C12orf42: variants seen among roughly 807,000 people sequenced by gnomAD.
C12orf42 encodes uncharacterized protein C12orf42.
C12orf42 carries 25 observed loss-of-function variants against 21.6 expected under a neutral mutation model. The ratio of observed to expected loss-of-function variants is 1.16; its 90% CI spans 0.84 to 1.62. The LOEUF is 1.62. C12orf42 is among the 40% of genes most tolerant of loss of function. The pLI, the probability that C12orf42 is intolerant of heterozygous loss-of-function variation, is 0.00. For synonymous variants in C12orf42, 174 were observed against 175.0 expected, an observed-to-expected ratio of 0.99 and a Z score of 0.05; for missense variants, 483 against 459.3, an observed-to-expected ratio of 1.05 and a Z score of -0.47.
chr12:103,270,550 CA>C (rs1332448415), intron 5 of C12orf42, among the ~76,000 whole-genome samples: 3 of 144,208 alleles, frequency 2.1e-5, no homozygotes, highest in African/African-American at 7.7e-5. Flanking sequence ...AAGATTTGAT[CA>C]ATATTTTATT....
At chr12:103,485,073 G>A (rs532626438) in intron 1 of C12orf42, among the ~76,000 whole-genome samples, 1 of 152,134 alleles carries the variant, frequency 6.6e-6, no homozygotes, top group South Asian at 2.1e-4. Flanking sequence ...GTTTCACCAT[G>A]TTAGCCAGGA....
intron 4 of C12orf42, among the ~76,000 whole-genome samples, chr12:103,312,552 G>A (rs965642811): frequency 1.3e-5 from 2 of 152,148 alleles, no homozygotes; most frequent in Non-Finnish European, 1.5e-5. Flanking sequence ...TCTGCCTCTC[G>A]AGGACCAACA....
downstream of C12orf42, among the ~76,000 whole-genome samples, chr12:103,265,262 A>ATTT (rs2035107723): frequency 2.6e-5 from 4 of 152,166 alleles, no homozygotes; most frequent in South Asian, 8.3e-4. Flanking sequence ...GGGCACAGAC[A>ATTT]TTCAGTCCAT....
At chr12:103,434,001 G>T (rs1157805774) in intron 2 of C12orf42, among the ~76,000 whole-genome samples, 1 of 152,136 alleles carries the variant, frequency 6.6e-6, no homozygotes, top group African/African-American at 2.4e-5. Flanking sequence ...AAACTAACTT[G>T]GTTCTCCTGA....
At chr12:103,265,842 A>C (rs2035143068), downstream of C12orf42, among the ~76,000 whole-genome samples, 1 of 119,138 alleles carries the variant, frequency 8.4e-6, no homozygotes, top group Non-Finnish European at 1.9e-5. Context: ...TTTTGTTTGC[A>C]ATGGGCACAT....
In C12orf42 at chr12:103,440,909, A is replaced by C. The variant is rs78307027; in HGVS notation, c.78+37440T>G. Among the ~76,000 whole-genome samples, 833 of 152,330 alleles carry C rather than the reference A, an allele frequency of 5.5e-3. 10 individuals carry two copies. Among genetic ancestry groups the C allele is most frequent in the African/African-American group, 0.019 (786 of 41,580 alleles). Reference sequence around the variant, plus strand: ...GCATCTATTAAGTTTGCATATAACCACAGAGTACACAAGAATTGCTTCAAG... The same window carrying C: ...GCATCTATTAAGTTTGCATATAACCCCAGAGTACACAAGAATTGCTTCAAG... On this transcript the variant is annotated intron_variant, in intron 2 of 5. Transcript: ENST00000548883.
the C12orf42 span, among the ~76,000 whole-genome samples, chr12:103,075,831 T>G: frequency 6.6e-6 from 1 of 152,142 alleles, no homozygotes; most frequent in Non-Finnish European, 1.5e-5. Flanking sequence ...AGAACCATAA[T>G]TATTAAGACT....
At chr12:103,434,483 G>C (rs1950509435) in intron 2 of C12orf42, among the ~76,000 whole-genome samples, 1 of 152,192 alleles carries the variant, frequency 6.6e-6, no homozygotes, top group Non-Finnish European at 1.5e-5. Flanking sequence ...ATTTCCATTT[G>C]AGGTACCGGG....
chr12:103,070,391 G>T, the C12orf42 span, among the ~76,000 whole-genome samples: 36 of 151,952 alleles, frequency 2.4e-4, no homozygotes, highest in Non-Finnish European at 7.4e-5. Context: ...GCCAAGACTT[G>T]TCTCCTTCAG....
chr12:103,548,570 T>G, the C12orf42 span: 1 of 152,214 alleles, frequency 6.6e-6, no homozygotes, highest in African/African-American at 2.4e-5. Context: ...ATGAACAGAA[T>G]AAGTATATAT....
chr12:103,437,359 G>T (rs145018278), intron 2 of C12orf42, among the ~76,000 whole-genome samples: 21 of 151,936 alleles, frequency 1.4e-4, no homozygotes, highest in African/African-American at 5.1e-4. Flanking sequence ...AAAAGCAAGC[G>T]CAAACACATT....
At chr12:103,164,581 T>C in the C12orf42 span, 1 of 417,306 alleles carries the variant, frequency 2.4e-6, no homozygotes. Context: ...AAAGACATTG[T>C]CCTGAAGAAA....
chr12:103,146,305 C>T, the C12orf42 span, among the ~76,000 whole-genome samples: 5 of 151,052 alleles, frequency 3.3e-5, no homozygotes, highest in African/African-American at 7.3e-5. Flanking sequence ...ACATGTGAAA[C>T]CCTGTCTTTA....
At chr12:103,374,801 G>A (rs1246618084) in intron 3 of C12orf42, among the ~76,000 whole-genome samples, 1 of 152,102 alleles carries the variant, frequency 6.6e-6, no homozygotes, top group Non-Finnish European at 1.5e-5. Context: ...CTTGCTCCTG[G>A]TTGCTCTCGT....
chr12:103,076,441 C>T, the C12orf42 span, among the ~76,000 whole-genome samples: 1 of 152,016 alleles, frequency 6.6e-6, no homozygotes, highest in Non-Finnish European at 1.5e-5. Flanking sequence ...ACCCATTGTG[C>T]ACCTATAGGT....
At chr12:103,214,271 C>T in the C12orf42 span, among the ~76,000 whole-genome samples, 2 of 152,102 alleles carry the variant, frequency 1.3e-5, no homozygotes, top group African/African-American at 2.4e-5. Flanking sequence ...TTGTACAGTC[C>T]ATTAGTACAA....
the C12orf42 span, among the ~76,000 whole-genome samples, chr12:103,528,618 C>G: frequency 6.6e-6 from 1 of 152,224 alleles, no homozygotes; most frequent in Admixed American, 6.5e-5. Flanking sequence ...ACCCTGTGCT[C>G]TCTCTGCATG....
At chr12:103,495,287 A>G (rs1955449116) in intron 1 of C12orf42, among the ~76,000 whole-genome samples, 1 of 152,060 alleles carries the variant, frequency 6.6e-6, no homozygotes, top group Non-Finnish European at 1.5e-5. Flanking sequence ...GTGTCTCTAC[A>G]TGTAAAGAGA....
At chr12:103,113,957 C>T in the C12orf42 span, among the ~76,000 whole-genome samples, 1 of 152,176 alleles carries the variant, frequency 6.6e-6, no homozygotes, top group Non-Finnish European at 1.5e-5. Context: ...TGCTACTATA[C>T]ACTCAACAGT....
Sources: allele counts gnomAD v4.1 joint callset (sites outside exome capture counted in the v4.1 genomes callset), GRCh38; gene constraint gnomAD v4.1.1; transcripts MANE v1.5; gene names NCBI Gene and HGNC (gene_info 2026-07-23, HGNC 2026-07-21).